CLIP2: variants seen among roughly 807,000 people sequenced by gnomAD.
The protein encoded by CLIP2 is CAP-Gly domain-containing linker protein 2.
CLIP2 carries 41 observed loss-of-function variants against 111.7 expected under a neutral mutation model. The ratio of observed to expected loss-of-function variants is 0.37; its 90% CI spans 0.29 to 0.48. CLIP2 has a LOEUF of 0.48. Ranked by LOEUF, CLIP2 falls within the 20% of genes least tolerant of loss-of-function variation. The pLI, the probability that CLIP2 is intolerant of heterozygous loss-of-function variation, is 0.99. For missense variants in CLIP2, 1,160 were observed against 1,422.1 expected (o/e 0.82, Z 2.96); for synonymous variants, 660 against 644.2 (o/e 1.02, Z -0.37).
intron 1 of CLIP2, among the ~76,000 whole-genome samples, chr7:74,298,356 G>GTTTTTTTT (rs35535113): frequency 2.7e-5 from 3 of 109,622 alleles, no homozygotes; most frequent in Non-Finnish European, 3.8e-5. Context: ...CTGCTAATTG[G>GTTTTTTTT]TTTTTTTTTT....
intron 6 of CLIP2, among the ~76,000 whole-genome samples, chr7:74,358,940 A>G (rs1554309121): frequency 6.6e-6 from 1 of 151,934 alleles, no homozygotes; most frequent in African/African-American, 2.4e-5. Flanking sequence ...TGACGTGACT[A>G]GTCCCCTGTT....
chr7:74,393,828 A>G (rs1354869798), intron 13 of CLIP2, among the ~76,000 whole-genome samples: 2 of 152,182 alleles, frequency 1.3e-5, no homozygotes, highest in African/African-American at 4.8e-5. Context: ...GAGGCAATCT[A>G]GGAATTTTCC....
At chr7:74,317,340 G>A (rs977847441) in intron 1 of CLIP2, 140 bp from the exon 2 acceptor site, 12 of 480,798 alleles carry the variant, frequency 2.5e-5, no homozygotes, top group East Asian at 1.4e-4. Context: ...GTGCGGCAAC[G>A]GGAGCAGTGA....
intron 15 of CLIP2, among the ~76,000 whole-genome samples, chr7:74,401,225 C>T (rs568020267): frequency 6.6e-6 from 1 of 152,254 alleles, no homozygotes; most frequent in Admixed American, 6.5e-5. Context: ...AAGCGGGAGG[C>T]AGCTCTGTCC....
chr7:74,356,379 A>T, intron 4 of CLIP2, 31 bp from the exon 5 acceptor site: 4 of 1,597,854 alleles, frequency 2.5e-6, no homozygotes, highest in Non-Finnish European at 3.4e-6. Flanking sequence ...TGGGGCCGTG[A>T]CAGCAGCTTG....
At chr7:74,320,195 CAAAAAAA>C (rs34079690) in intron 2 of CLIP2, among the ~76,000 whole-genome samples, 2 of 99,254 alleles carry the variant, frequency 2.0e-5, no homozygotes, top group African/African-American at 4.7e-5. Flanking sequence ...GATTCCATCT[CAAAAAAA>C]AAAAAAAAAA....
Position 74,374,074 on chromosome 7 carries a change from C to T in CLIP2, c.1485+1038C>T, listed in dbSNP as rs1790710910. On this transcript the variant is annotated intron_variant, in intron 9 of 16. Transcript: ENST00000223398. ...ACCCAGCACTCTGTGCAGGCACTCA[C>T]ATGCGAACAGCCAGCCGGCCCCCCA... Among the ~76,000 whole-genome samples, 3 of 152,134 alleles carry T rather than the reference C, an allele frequency of 2.0e-5. No individual in the cohort carries two copies. In the South Asian group the frequency reaches 6.2e-4, roughly 31 times the overall value.
intron 10 of CLIP2, among the ~76,000 whole-genome samples, chr7:74,378,730 G>A (rs1254342250): frequency 1.3e-5 from 2 of 152,082 alleles, no homozygotes; most frequent in Non-Finnish European, 2.9e-5. Flanking sequence ...ACAGTGTGAG[G>A]CTGTGACTCA....
At chr7:74,304,982 A>G (rs1000437842) in intron 1 of CLIP2, among the ~76,000 whole-genome samples, 1 of 152,096 alleles carries the variant, frequency 6.6e-6, no homozygotes, top group Non-Finnish European at 1.5e-5. Context: ...AAATAAATAA[A>G]TAAATAAAGT....
intron 1 of CLIP2, among the ~76,000 whole-genome samples, chr7:74,291,585 C>T (rs1232604178): frequency 1.3e-5 from 2 of 152,200 alleles, no homozygotes; most frequent in Non-Finnish European, 2.9e-5. Flanking sequence ...ACTGTGTGCC[C>T]TGTGACAGAG....
intron 2 of CLIP2, among the ~76,000 whole-genome samples, chr7:74,327,344 C>G (rs553344486): frequency 6.6e-6 from 1 of 152,184 alleles, no homozygotes; most frequent in Admixed American, 6.6e-5. Flanking sequence ...CTCAAGTGAT[C>G]CACCTGCCTC....
intron 2 of CLIP2, among the ~76,000 whole-genome samples, chr7:74,323,054 ACTGTACCTTTTCTATGTTTAG>A (rs1789005885): frequency 6.6e-6 from 1 of 150,740 alleles, no homozygotes; most frequent in Non-Finnish European, 1.5e-5. Context: ...ACTTATTTTT[ACTGTACCTTTTCTATGTTTAG>A]CTATGTTTTA....
At chr7:74,359,704 G>A (rs1790270228) in intron 6 of CLIP2, among the ~76,000 whole-genome samples, 1 of 152,146 alleles carries the variant, frequency 6.6e-6, no homozygotes, top group Admixed American at 6.6e-5. Context: ...TTTCAGGAAA[G>A]TGACTCCTTG....
rs556080008 is a variant in CLIP2, at chr7:74,356,314, C to T, written c.804-96C>T. On this transcript the variant is annotated intron_variant, in intron 4 of 16. Transcript: ENST00000223398. ...ATGGGCCCCAAGGAGGTGTCTTTCT[C>T]TCTTTCTGCCAGGCTCTGAAGAGGC... 2.1e-5 allele frequency: 22 copies of T among 1,031,368 alleles called. No individual in the cohort carries two copies. The African/African-American group carries it at 2.8e-4, about 13-fold the overall frequency. The allele number at this position is 1,031,368 out of a possible 1,614,324, so 63.9% of individuals were successfully genotyped here.
intron 14 of CLIP2, among the ~76,000 whole-genome samples, chr7:74,397,675 T>G (rs1177282890): frequency 4.1e-5 from 6 of 145,496 alleles, no homozygotes; most frequent in South Asian, 2.3e-4. Flanking sequence ...TGTTTTTTTT[T>G]TTTTTTTTTG....
chr7:74,298,880 C>T (rs1191428868), intron 1 of CLIP2, among the ~76,000 whole-genome samples: 1 of 152,014 alleles, frequency 6.6e-6, no homozygotes, highest in Non-Finnish European at 1.5e-5. Flanking sequence ...AAAGTTGCGC[C>T]CAGTGAGAGG....
At chr7:74,339,126 G>T in intron 3 of CLIP2, 122 bp downstream of exon 3, 1 of 867,360 alleles carries the variant, frequency 1.2e-6, no homozygotes, top group Non-Finnish European at 1.7e-6. Flanking sequence ...GGCTCGGACA[G>T]GGTCCAGCCT....
chr7:74,366,142 C>CT (rs1790465899), intron 8 of CLIP2, among the ~76,000 whole-genome samples: 2 of 152,214 alleles, frequency 1.3e-5, no homozygotes, highest in South Asian at 4.1e-4. Context: ...GCCCCCTCCG[C>CT]TTTATCACCC....
rs1162855956 is a variant in CLIP2 at position 74,349,576 on chromosome 7, C to T, written c.679-4304C>T. On this transcript the variant is annotated intron_variant, in intron 3 of 16. Transcript: ENST00000223398. ...CTGCAATATGATTGGACCTTGAAAA[C>T]ATGATGCTAAGTGAAAGAAGCCAGA... Among the ~76,000 whole-genome samples the T allele has an allele frequency of 3.1e-4, 43 of 139,920 alleles. No individual in the cohort carries two copies. In the Admixed American group the frequency reaches 3.3e-3, roughly 11 times the overall value. The allele number at this position is 139,920 out of a possible 152,430, so 91.8% of individuals were successfully genotyped here. A position where few individuals can be genotyped will look rare whatever the true frequency, so the allele number is the denominator to read the frequency against.
Sources: allele counts gnomAD v4.1 joint callset (sites outside exome capture counted in the v4.1 genomes callset), GRCh38; gene constraint gnomAD v4.1.1; transcripts MANE v1.5; gene names NCBI Gene and HGNC (gene_info 2026-07-23, HGNC 2026-07-21).